The following ERBB4 variants were observed in gnomAD, a reference collection of about 807,000 sequenced individuals.
ERBB4 encodes receptor tyrosine-protein kinase erbB-4.
A neutral mutation model predicts 158.0 loss-of-function variants in ERBB4; 42 were observed. The ratio of observed to expected loss-of-function variants is 0.27; its 90% CI spans 0.21 to 0.34. The LOEUF is 0.34. Among genes scored for constraint, ERBB4 ranks in the 10% least tolerant of loss-of-function variants. The pLI, the probability that ERBB4 is intolerant of heterozygous loss-of-function variation, is 1.00. For missense variants in ERBB4, 1,333 were observed against 1,624.1 expected (o/e 0.82, Z 3.08); for synonymous variants, 583 against 558.7 (o/e 1.04, Z -0.61).
At chr2:212,183,227 G>T (rs963580178) in intron 1 of ERBB4, among the ~76,000 whole-genome samples, 2 of 151,678 alleles carry the variant, frequency 1.3e-5, no homozygotes, top group Non-Finnish European at 2.9e-5. Flanking sequence ...AGACACTTGA[G>T]GTTGTAGTAA....
intron 3 of ERBB4, among the ~76,000 whole-genome samples, chr2:211,793,556 G>C (rs2076321990): frequency 1.3e-5 from 2 of 151,912 alleles, no homozygotes; most frequent in Non-Finnish European, 2.9e-5. Flanking sequence ...ACAGAAAGCA[G>C]TTACAAGACT....
chr2:211,532,114 G>C (rs765336592), intron 20 of ERBB4, among the ~76,000 whole-genome samples: 2 of 151,446 alleles, frequency 1.3e-5, no homozygotes, highest in East Asian at 3.9e-4. Context: ...AGGAGTTAGA[G>C]AGTAGAAGAA....
intron 19 of ERBB4, among the ~76,000 whole-genome samples, chr2:211,588,027 T>G (rs2068339836): frequency 6.6e-6 from 1 of 152,162 alleles, no homozygotes; most frequent in Non-Finnish European, 1.5e-5. Flanking sequence ...CTACAGCTGT[T>G]TGAAGAATGT....
At chr2:211,492,327 T>C (rs1191714419) in intron 20 of ERBB4, among the ~76,000 whole-genome samples, 1 of 152,152 alleles carries the variant, frequency 6.6e-6, no homozygotes, top group Non-Finnish European at 1.5e-5. Flanking sequence ...GTTTAAATCT[T>C]GGCCCTTGGC....
At chr2:212,215,502 A>G (rs974222695) in intron 1 of ERBB4, among the ~76,000 whole-genome samples, 1 of 151,440 alleles carries the variant, frequency 6.6e-6, no homozygotes, top group Non-Finnish European at 1.5e-5. Flanking sequence ...ATATTTCAAC[A>G]TAAGTCTGGT....
Position 211,939,985 on chromosome 2 carries a change from A to G in ERBB4, c.421+7445T>C, listed in dbSNP as rs2080445068. Among the ~76,000 whole-genome samples, 3 of 130,758 alleles carry G rather than the reference A, an allele frequency of 2.3e-5. No individual in the cohort carries two copies. The South Asian group carries it at 6.9e-4, about 30-fold the overall frequency. The allele number at this position is 130,758 out of a possible 152,430, so 85.8% of individuals were successfully genotyped here. ...AAAAAAAATATATATATATATGTAT[A>G]TAGATAGATAGATAGATAGATAGAG... On this transcript the variant is annotated intron_variant, in intron 3 of 27. Coordinates refer to ENST00000342788, the MANE Select transcript of ERBB4 (RefSeq NM_005235.3).
intron 1 of ERBB4, among the ~76,000 whole-genome samples, chr2:212,170,353 T>C (rs1022582578): frequency 6.6e-5 from 10 of 152,068 alleles, no homozygotes; most frequent in African/African-American, 1.9e-4. Context: ...TTGGAACTTA[T>C]GTTTAAAAAG....
chr2:211,684,842 T>C (rs1205624364), intron 12 of ERBB4, among the ~76,000 whole-genome samples: 1 of 152,260 alleles, frequency 6.6e-6, no homozygotes, highest in East Asian at 1.9e-4. Flanking sequence ...GACCAACCAG[T>C]GGTCATAGTT....
intron 1 of ERBB4, among the ~76,000 whole-genome samples, chr2:212,239,014 C>T (rs1279715077): frequency 6.6e-6 from 1 of 152,086 alleles, no homozygotes; most frequent in Non-Finnish European, 1.5e-5. Context: ...TAATTAATGG[C>T]CTTTATTAAA....
chr2:211,406,578 G>T (rs995078935), intron 25 of ERBB4, among the ~76,000 whole-genome samples: 5 of 152,190 alleles, frequency 3.3e-5, no homozygotes, highest in African/African-American at 1.2e-4. Context: ...TAATAAAAGA[G>T]AAAAGAAATG....
chr2:211,970,177 T>C (rs111674916), intron 2 of ERBB4, among the ~76,000 whole-genome samples: 3 of 152,296 alleles, frequency 2.0e-5, no homozygotes, highest in African/African-American at 4.8e-5. Flanking sequence ...GGTTATTCAA[T>C]TTCCACATAA....
intron 27 of ERBB4, among the ~76,000 whole-genome samples, chr2:211,386,317 G>A (rs185876906): frequency 9.9e-5 from 15 of 151,974 alleles, no homozygotes; most frequent in Non-Finnish European, 1.9e-4. Context: ...TATATACAGG[G>A]TCAAACCTTT....
At chr2:211,632,210 T>C (rs1265139157) in intron 16 of ERBB4, among the ~76,000 whole-genome samples, 1 of 152,112 alleles carries the variant, frequency 6.6e-6, no homozygotes, top group Non-Finnish European at 1.5e-5. Context: ...AAATCTCTGC[T>C]GAGAAAATTA....
intron 1 of ERBB4, among the ~76,000 whole-genome samples, chr2:212,249,359 G>T (rs1405631005): frequency 6.7e-6 from 1 of 150,170 alleles, no homozygotes; most frequent in Non-Finnish European, 1.5e-5. Context: ...AATTTAAAAT[G>T]TAGGAAGACT....
At chr2:212,091,642 G>T (rs957948345) in intron 2 of ERBB4, among the ~76,000 whole-genome samples, 1 of 151,974 alleles carries the variant, frequency 6.6e-6, no homozygotes, top group Non-Finnish European at 1.5e-5. Flanking sequence ...ACAAAAAATT[G>T]GCTAAAGTTC....
chr2:211,708,367 C>A (rs555204871), intron 9 of ERBB4, among the ~76,000 whole-genome samples: 43 of 152,008 alleles, frequency 2.8e-4, no homozygotes, highest in African/African-American at 9.6e-4. Flanking sequence ...CAGGTTTAAG[C>A]GCTATGATTA....
intron 4 of ERBB4, among the ~76,000 whole-genome samples, chr2:211,769,620 C>T (rs1483162769): frequency 6.6e-6 from 1 of 152,114 alleles, no homozygotes; most frequent in Non-Finnish European, 1.5e-5. Flanking sequence ...GTCCCAAAAC[C>T]TCAAAAGTAG....
intron 1 of ERBB4, among the ~76,000 whole-genome samples, chr2:212,309,031 GA>G (rs2086918545): frequency 6.6e-6 from 1 of 150,834 alleles, no homozygotes; most frequent in African/African-American, 2.4e-5. Context: ...TTAATTTGAG[GA>G]AGGATACTCT....
At chr2:211,854,208 C>G (rs757125626) in intron 3 of ERBB4, among the ~76,000 whole-genome samples, 1 of 152,012 alleles carries the variant, frequency 6.6e-6, no homozygotes, top group Non-Finnish European at 1.5e-5. Flanking sequence ...GTTTTATCAT[C>G]TACAAAATCA....
Sources: allele counts gnomAD v4.1 joint callset (sites outside exome capture counted in the v4.1 genomes callset), GRCh38; gene constraint gnomAD v4.1.1; transcripts MANE v1.5; gene names NCBI Gene and HGNC (gene_info 2026-07-23, HGNC 2026-07-21).